DNM3: variants seen among roughly 807,000 people sequenced by gnomAD.
The protein encoded by DNM3 is dynamin 3, also known as dynamin-3.
DNM3 carries 47 observed loss-of-function variants against 101.6 expected under a neutral mutation model. The ratio of observed to expected loss-of-function variants is 0.46; its 90% confidence interval spans 0.37 to 0.59. The LOEUF is 0.59. Among genes scored for constraint, DNM3 ranks in the 20% least tolerant of loss-of-function variants. The pLI is 0.00. For missense variants in DNM3, 849 were observed against 1,085.7 expected, an observed-to-expected ratio of 0.78 and a Z score of 3.06; for synonymous variants, 385 against 387.9, an observed-to-expected ratio of 0.99 and a Z score of 0.09.
chr1:172,165,389 C>T (rs751306967), intron 14 of DNM3, among the ~76,000 whole-genome samples: 7 of 151,974 alleles, frequency 4.6e-5, no homozygotes, highest in African/African-American at 9.7e-5. Flanking sequence ...AATATTTATA[C>T]GCATACACAA....
intron 14 of DNM3, among the ~76,000 whole-genome samples, chr1:172,131,642 T>C (rs956826658): frequency 6.6e-6 from 1 of 152,158 alleles, no homozygotes; most frequent in Non-Finnish European, 1.5e-5. Context: ...CCCAAGGTAA[T>C]AGAACATTTT....
At chr1:172,250,944 T>C (rs2062143420) in intron 14 of DNM3, among the ~76,000 whole-genome samples, 1 of 152,176 alleles carries the variant, frequency 6.6e-6, no homozygotes, top group Non-Finnish European at 1.5e-5. Context: ...AAATTATGTT[T>C]AATAATGCTT....
At chr1:172,221,076 T>C (rs532287779) in intron 14 of DNM3, among the ~76,000 whole-genome samples, 1 of 152,130 alleles carries the variant, frequency 6.6e-6, no homozygotes, top group Non-Finnish European at 1.5e-5. Context: ...TTTTCCTTCT[T>C]CATTTTTTCT....
chr1:172,224,578 A>G (rs1395984418), intron 14 of DNM3, among the ~76,000 whole-genome samples: 1 of 152,186 alleles, frequency 6.6e-6, no homozygotes, highest in Non-Finnish European at 1.5e-5. Flanking sequence ...CCGAGACCTC[A>G]TGATTGATGT....
chr1:172,262,447 T>G (rs1327251386), intron 15 of DNM3, among the ~76,000 whole-genome samples: 2 of 152,052 alleles, frequency 1.3e-5, no homozygotes, highest in Non-Finnish European at 2.9e-5. Context: ...TCTCAGAACT[T>G]GTAAGGATTG....
chr1:172,080,403 T>C (rs1318057206), intron 11 of DNM3, among the ~76,000 whole-genome samples: 1 of 152,160 alleles, frequency 6.6e-6, no homozygotes, highest in Non-Finnish European at 1.5e-5. Flanking sequence ...TCAAACTTCC[T>C]TGGCAGCTTT....
At position 172,302,348 on chromosome 1, in the gene DNM3, A is replaced by T. The variant is rs184486344; in HGVS notation, c.1770-6380A>T. 3.6e-4 allele frequency among the ~76,000 whole-genome samples: 55 copies of T among 152,322 alleles called. No homozygotes were observed. The East Asian group carries it at 5.4e-3, about 15-fold the overall frequency. On this transcript the variant is annotated intron_variant, in intron 15 of 20. Transcript: ENST00000627582. ...TGTCCCCCATTGCTGAAACTTGAGT[A>T]GGTAAACAGAGCAGCTGGGAAGCTT...
At chr1:172,386,117 A>ATAAC (rs541032896) in intron 18 of DNM3, among the ~76,000 whole-genome samples, 90 of 152,354 alleles carry the variant, frequency 5.9e-4, no homozygotes, top group African/African-American at 2.1e-3. Flanking sequence ...GAATTGTCAT[A>ATAAC]TAACTTATGA....
At chr1:171,875,120 C>T (rs192040758) in intron 1 of DNM3, among the ~76,000 whole-genome samples, 96 of 152,214 alleles carry the variant, frequency 6.3e-4, no homozygotes, top group Non-Finnish European at 1.2e-3. Context: ...AACAGTGCTG[C>T]GATGAACATA....
intron 16 of DNM3, among the ~76,000 whole-genome samples, chr1:172,319,736 A>T (rs1393750626): frequency 6.6e-6 from 1 of 152,190 alleles, no homozygotes; most frequent in Non-Finnish European, 1.5e-5. Flanking sequence ...GAAACAACAG[A>T]TGCTGGAGAG....
chr1:172,106,847 C>CTTTTTT (rs1165611083), intron 13 of DNM3, among the ~76,000 whole-genome samples: 28,195 of 67,052 alleles, frequency 0.42, 9,800 homozygotes, highest in South Asian at 0.53. Flanking sequence ...TAACATTATT[C>CTTTTTT]TTTTTTTTTT....
At chr1:172,143,674 A>AG (rs2057716481) in intron 14 of DNM3, among the ~76,000 whole-genome samples, 1 of 152,146 alleles carries the variant, frequency 6.6e-6, no homozygotes, top group Admixed American at 6.6e-5. Context: ...GCTATAGGCA[A>AG]GAGGGCTCAG....
intron 2 of DNM3, among the ~76,000 whole-genome samples, chr1:171,974,641 G>A (rs1317410577): frequency 2.0e-5 from 3 of 152,124 alleles, no homozygotes; most frequent in South Asian, 2.1e-4. Context: ...TAAACTGACT[G>A]CATAATGCAT....
At chr1:171,862,169 G>A (rs1051599033) in intron 1 of DNM3, among the ~76,000 whole-genome samples, 6 of 152,054 alleles carry the variant, frequency 3.9e-5, no homozygotes, top group Non-Finnish European at 8.8e-5. Context: ...AAACAGTTTG[G>A]CAAATTCCTC....
intron 13 of DNM3, among the ~76,000 whole-genome samples, chr1:172,101,434 G>T (rs2054631923): frequency 1.3e-5 from 2 of 152,130 alleles, no homozygotes; most frequent in South Asian, 4.1e-4. Flanking sequence ...GTGTCACTAT[G>T]AGCAAATTAA....
intron 13 of DNM3, among the ~76,000 whole-genome samples, chr1:172,103,154 T>C (rs1936729405): frequency 6.6e-6 from 1 of 152,148 alleles, no homozygotes; most frequent in African/African-American, 2.4e-5. Context: ...ACCACTGTTA[T>C]CATTTTGGAG....
intron 14 of DNM3, among the ~76,000 whole-genome samples, chr1:172,245,691 A>G (rs2061924347): frequency 6.6e-6 from 1 of 152,212 alleles, no homozygotes; most frequent in African/African-American, 2.4e-5. Flanking sequence ...TGCTCCATGT[A>G]GAGCACCTGA....
intron 14 of DNM3, among the ~76,000 whole-genome samples, chr1:172,149,397 A>G (rs939463675): frequency 6.6e-6 from 1 of 152,186 alleles, no homozygotes; most frequent in African/African-American, 2.4e-5. Flanking sequence ...GTCGCAAGAA[A>G]GTAAATATAT....
At chr1:172,260,507 C>A (rs1046647583) in intron 15 of DNM3, among the ~76,000 whole-genome samples, 1 of 151,518 alleles carries the variant, frequency 6.6e-6, no homozygotes, top group East Asian at 1.9e-4. Flanking sequence ...AGGTTTTAAT[C>A]TTTTTGTTGT....
Sources: allele counts gnomAD v4.1 joint callset (sites outside exome capture counted in the v4.1 genomes callset), GRCh38; gene constraint gnomAD v4.1.1; transcripts MANE v1.5; gene names NCBI Gene and HGNC (gene_info 2026-07-23, HGNC 2026-07-21).